LHFPL6: variants seen among roughly 807,000 people sequenced by gnomAD.
LHFPL6 encodes the protein LHFPL tetraspan subfamily member 6.
LHFPL6 carries 9 observed loss-of-function variants against 20.6 expected under a neutral mutation model. The ratio of observed to expected loss-of-function variants is 0.44; its 90% CI spans 0.26 to 0.76. The LOEUF (loss-of-function observed/expected upper bound fraction) is 0.76, where lower values mean the gene tolerates loss of function less well. Ranked by LOEUF, LHFPL6 falls within the 30% of genes least tolerant of loss-of-function variation. LHFPL6 has a pLI of 0.20. For synonymous variants in LHFPL6, 105 were observed against 98.7 expected (o/e 1.06, Z -0.38); for missense variants, 218 against 253.5 (o/e 0.86, Z 0.95).
rs368957881 is a variant in LHFPL6 at position 39,371,649 on chromosome 13, A to G, written c.484+6779T>C. ...CACAGGCTACACTGATGATAGGACC[A>G]CAGACAGTGAAGTCTGACAAAAGAA... On this transcript the variant is annotated intron_variant, in intron 3 of 3. Coordinates refer to ENST00000379589, the MANE Select transcript of LHFPL6 (RefSeq NM_005780.3). 1.2e-3 allele frequency among the ~76,000 whole-genome samples: 188 copies of G among 152,370 alleles called. 1 individual carries two copies. In the South Asian group the frequency reaches 0.018, roughly 15 times the overall value.
chr13:39,442,440 C>G (rs1872165579), intron 2 of LHFPL6, among the ~76,000 whole-genome samples: 1 of 152,144 alleles, frequency 6.6e-6, no homozygotes, highest in African/African-American at 2.4e-5. Context: ...TGGTGAGATT[C>G]ATGTTCACAT....
chr13:39,560,439 C>A (rs1311887780), intron 2 of LHFPL6, among the ~76,000 whole-genome samples: 1 of 151,740 alleles, frequency 6.6e-6, no homozygotes, highest in African/African-American at 2.4e-5. Flanking sequence ...CAGTCTTACT[C>A]CTTTGCAGAT....
At chr13:39,533,287 G>A (rs1339569432) in intron 2 of LHFPL6, among the ~76,000 whole-genome samples, 1 of 152,208 alleles carries the variant, frequency 6.6e-6, no homozygotes, top group East Asian at 1.9e-4. Context: ...GCTTAAATGA[G>A]ACAATAGTTT....
At chr13:39,424,029 T>G (rs1206692400) in intron 2 of LHFPL6, among the ~76,000 whole-genome samples, 1 of 152,200 alleles carries the variant, frequency 6.6e-6, no homozygotes, top group African/African-American at 2.4e-5. Context: ...AGGTAAAATC[T>G]CTGTATTGAA....
At chr13:39,574,790 G>A (rs772193135) in intron 2 of LHFPL6, among the ~76,000 whole-genome samples, 10 of 152,110 alleles carry the variant, frequency 6.6e-5, no homozygotes, top group Non-Finnish European at 1.5e-4. Context: ...AAACAGGTGG[G>A]GCCAGGAGTG....
chr13:39,496,702 C>T (rs1050970777), intron 2 of LHFPL6, among the ~76,000 whole-genome samples: 13 of 152,298 alleles, frequency 8.5e-5, no homozygotes, highest in Non-Finnish European at 1.8e-4. Flanking sequence ...ATACTCACCA[C>T]AGGAAGGCAG....
chr13:39,516,195 C>T (rs1278667055), intron 2 of LHFPL6, among the ~76,000 whole-genome samples: 1 of 152,218 alleles, frequency 6.6e-6, no homozygotes. Flanking sequence ...AAAAATCTAA[C>T]AGCTATGCCA....
chr13:39,420,513 AAATACATGAGTAT>A (rs1871454546), intron 2 of LHFPL6, among the ~76,000 whole-genome samples: 1 of 152,218 alleles, frequency 6.6e-6, no homozygotes, highest in African/African-American at 2.4e-5. Context: ...AAGATTTTTA[AAATACATGAGTAT>A]AACCCAAGAC....
At chr13:39,563,373 T>A (rs1048413957) in intron 2 of LHFPL6, among the ~76,000 whole-genome samples, 3 of 152,088 alleles carry the variant, frequency 2.0e-5, no homozygotes, top group African/African-American at 4.8e-5. Context: ...AATCTGCAGA[T>A]GACAGAAACA....
chr13:39,584,387 C>T (rs987515236), intron 2 of LHFPL6, among the ~76,000 whole-genome samples: 1 of 151,838 alleles, frequency 6.6e-6, no homozygotes, highest in Non-Finnish European at 1.5e-5. Flanking sequence ...ATTAGCTGGG[C>T]GTGGTGGCAC....
At chr13:39,534,559 C>CA (rs1335878523) in intron 2 of LHFPL6, among the ~76,000 whole-genome samples, 1 of 152,092 alleles carries the variant, frequency 6.6e-6, no homozygotes, top group Admixed American at 6.5e-5. Context: ...AGTCAAGATC[C>CA]AAAATGTGTA....
At position 39,562,415 on chromosome 13, in the gene LHFPL6, C is replaced by CATATAT. The variant is rs57863254; in HGVS notation, c.385+38416_385+38417insATATAT. ...ATATATATACATATATACACATATA[C>CATATAT]ACATATACATATATACATATATACA... On this transcript the variant is annotated intron_variant, in intron 2 of 3. Coordinates refer to ENST00000379589, the MANE Select transcript of LHFPL6 (RefSeq NM_005780.3). Among the ~76,000 whole-genome samples, 257 of 54,634 alleles carry CATATAT rather than the reference C, an allele frequency of 4.7e-3. 4 individuals carry two copies. The highest frequency in any genetic ancestry group is 9.6e-3 in the African/African-American group (158 of 16,484). The allele number at this position is 54,634 out of a possible 152,430, so 35.8% of individuals were successfully genotyped here.
At chr13:39,440,928 C>T (rs1029870138) in intron 2 of LHFPL6, among the ~76,000 whole-genome samples, 15 of 152,120 alleles carry the variant, frequency 9.9e-5, no homozygotes, top group African/African-American at 3.6e-4. Flanking sequence ...AAACTCTCTT[C>T]TCTTGTCTAC....
At chr13:39,551,175 T>C (rs1228080140) in intron 2 of LHFPL6, among the ~76,000 whole-genome samples, 1 of 152,096 alleles carries the variant, frequency 6.6e-6, no homozygotes, top group Non-Finnish European at 1.5e-5. Context: ...GAGTGGGTAA[T>C]TTATAGAGAA....
Position 39,380,302 on chromosome 13 carries a change from G to A in LHFPL6, c.386-1776C>T, listed in dbSNP as rs561619952. On this transcript the variant is annotated intron_variant, in intron 2 of 3. Transcript: ENST00000379589. ...AGGCATCTGGACAAGAAGTATTTAA[G>A]TGTAAGAAAAATAGTAACATTTAAG... Among the ~76,000 whole-genome samples the A allele has an allele frequency of 5.9e-5, 9 of 152,248 alleles. No individual in the cohort carries two copies. In the South Asian group the frequency reaches 1.7e-3, roughly 28 times the overall value.
chr13:39,483,678 G>A (rs1025660079), intron 2 of LHFPL6, among the ~76,000 whole-genome samples: 3 of 152,082 alleles, frequency 2.0e-5, no homozygotes, highest in Non-Finnish European at 4.4e-5. Flanking sequence ...CAATTTAGGA[G>A]TTTACAGAAG....
intron 2 of LHFPL6, among the ~76,000 whole-genome samples, chr13:39,507,418 C>T (rs944375543): frequency 3.9e-5 from 6 of 152,214 alleles, no homozygotes; most frequent in African/African-American, 1.4e-4. Flanking sequence ...CTCTACATCA[C>T]ATCCACTTTA....
chr13:39,345,020 G>T (rs375831431), intron 3 of LHFPL6, among the ~76,000 whole-genome samples: 8 of 152,266 alleles, frequency 5.3e-5, no homozygotes, highest in Middle Eastern at 3.4e-3. Flanking sequence ...AGTAAAGAAG[G>T]CCTCTATATC....
intron 2 of LHFPL6, among the ~76,000 whole-genome samples, chr13:39,583,349 A>AT (rs1039814072): frequency 6.6e-6 from 1 of 151,588 alleles, no homozygotes; most frequent in Admixed American, 6.6e-5. Context: ...ATTTTTATGT[A>AT]TTTTTTGTAG....
Sources: allele counts gnomAD v4.1 joint callset (sites outside exome capture counted in the v4.1 genomes callset), GRCh38; gene constraint gnomAD v4.1.1; transcripts MANE v1.5; gene names NCBI Gene and HGNC (gene_info 2026-07-23, HGNC 2026-07-21).